KRTAP16-1: variants seen among roughly 807,000 people sequenced by gnomAD.
The protein encoded by KRTAP16-1 is keratin associated protein 16-1, also known as keratin-associated protein 16-1.
For missense variants in KRTAP16-1, 675 were observed against 657.7 expected, an observed-to-expected ratio of 1.03 and a Z score of -0.29; for synonymous variants, 262 against 248.0, an observed-to-expected ratio of 1.06 and a Z score of -0.53.
Position 41,309,099 on chromosome 17 carries a change from G to C in KRTAP16-1, c.155C>G (p.Ser52Cys). The C allele has an allele frequency of 6.4e-7, 1 of 1,550,660 alleles. No homozygotes were observed. Among genetic ancestry groups the C allele is most frequent in the Non-Finnish European group, 8.7e-7 (1 of 1,147,010 alleles). ...LVTCQDSCGS[S>C]SCGPQCRQPS... ...CTGACGGCACTGTGGCCCACAGCTG[G>C]ATGATCCACAGCTGTCTTGACAAGT... Residue 52 changes from serine (S) to cysteine (C), a missense_variant, in exon 1 of 1, where the codon TCC becomes TGC. Coordinates refer to ENST00000391352, the MANE Select transcript of KRTAP16-1 (RefSeq NM_001146182.2).
chr17:41,307,883 G>T lies in KRTAP16-1; in HGVS notation c.1371C>A (p.Asp457Glu), dbSNP rs1465524936. 5 of 1,550,616 alleles carry T rather than the reference G, an allele frequency of 3.2e-6. No individual in the cohort carries two copies. In the South Asian group the frequency reaches 3.6e-5, roughly 11 times the overall value. ...VYFRPSCTESDSCKRDCKKST... is the reference protein window; with the variant it reads ...VYFRPSCTESESCKRDCKKST... Reference sequence around the variant, plus strand: ...ATTTTTTGCAATCCCGTTTGCAAGAGTCAGACTCAGTGCAAGATGGGCGGA... The same window carrying T: ...ATTTTTTGCAATCCCGTTTGCAAGATTCAGACTCAGTGCAAGATGGGCGGA... The change falls in exon 1 of 1, where the codon GAC becomes GAA. Residue 457 changes from aspartate (D) to glutamate (E), a missense_variant. By Grantham distance (45) the Asp-to-Glu change is conservative (BLOSUM62 2). Coordinates refer to ENST00000391352, the MANE Select transcript of KRTAP16-1 (RefSeq NM_001146182.2).
chr17:41,308,442 G>A lies in KRTAP16-1; in HGVS notation c.812C>T (p.Ala271Val), dbSNP rs2016937166. ...GAGGCAAACTGGCTCACAGACCAGA[G>A]CCACACACGTAGCTGGCTGGCAGAT... ...SSICQPATCV[A>V]LVCEPVCLRP... Residue 271 changes from alanine to valine, a missense_variant, in exon 1 of 1, where the codon GCT becomes GTT. Physicochemically the swap from Ala to Val is moderately conservative, Grantham distance 64 (BLOSUM62 0). Coordinates refer to ENST00000391352, the MANE Select transcript of KRTAP16-1 (RefSeq NM_001146182.2). The A allele has an allele frequency of 1.3e-6, 2 of 1,550,716 alleles. No homozygotes were observed. Among genetic ancestry groups the A allele is most frequent in the African/African-American group, 1.4e-5 (1 of 73,160 alleles).
rs1200698155 is a variant in KRTAP16-1 at position 41,308,829 on chromosome 17, G to A, written c.425C>T (p.Ser142Phe). The change falls in exon 1 of 1, where the codon TCT (serine) becomes TTT (phenylalanine). Residue 142 changes from serine to phenylalanine, a missense_variant. Ser to Phe is a radical substitution (Grantham distance 155). Coordinates refer to ENST00000391352, the MANE Select transcript of KRTAP16-1 (RefSeq NM_001146182.2). Reference protein sequence around the residue: ...VCFEATVCEPSCSVSSCAQPV... With the variant: ...VCFEATVCEPFCSVSSCAQPV... ...TTGAGCACAGCTGCTCACGGAACAA[G>A]AAGGCTCACAAACGGTGGCCTCAAA... 2 of 1,545,280 alleles carry A rather than the reference G, an allele frequency of 1.3e-6. No individual in the cohort carries two copies. Among genetic ancestry groups the A allele is most frequent in the Non-Finnish European group, 1.7e-6 (2 of 1,143,338 alleles).
chr17:41,308,253 T>C lies in KRTAP16-1; in HGVS notation c.1001A>G (p.Tyr334Cys). 1.3e-6 allele frequency: 2 copies of C among 1,550,580 alleles called. No individual in the cohort carries two copies. The highest frequency in any genetic ancestry group is 1.7e-6 in the Non-Finnish European group (2 of 1,146,910). ...CVSSPCQPTC[Y>C]VVKRCPSVCP... is the part of the protein sequence containing the mutation. ...GACAGAAGGACAGCGCTTGACTACATAGCAAGTAGGTTGGCATGGACTGGA... is the reference window on the plus strand; with the variant it reads ...GACAGAAGGACAGCGCTTGACTACACAGCAAGTAGGTTGGCATGGACTGGA... The change falls in exon 1 of 1, where the codon TAT (tyrosine) becomes TGT (cysteine). Residue 334 changes from tyrosine to cysteine, a missense_variant. Transcript: ENST00000391352.
chr17:41,308,145 C>G lies in KRTAP16-1; in HGVS notation c.1109G>C (p.Arg370Pro). 1.3e-6 allele frequency: 2 copies of G among 1,550,510 alleles called. No individual in the cohort carries two copies. Among genetic ancestry groups the G allele is most frequent in the Non-Finnish European group, 1.7e-6 (2 of 1,146,984 alleles). Residue 370 changes from arginine to proline, a missense_variant, in exon 1 of 1, where the codon CGA becomes CCA. Coordinates refer to ENST00000391352, the MANE Select transcript of KRTAP16-1 (RefSeq NM_001146182.2). ...SPGSSASAICRPTCPRTFYIP... is the reference protein window; with the variant it reads ...SPGSSASAICPPTCPRTFYIP... ...GTAGAAAGTCCTAGGACAAGTTGGT[C>G]GGCAGATGGCAGATGCAGAAGACCC...
At position 41,308,264 on chromosome 17, in the gene KRTAP16-1, T is replaced by C. The variant is rs2016933063; in HGVS notation, c.990A>G (p.Gln330=). ...SPAVCVSSPC[Q]PTCYVVKRCP... is the part of the protein sequence containing the mutation. Reference sequence around the variant, plus strand: ...AGCGCTTGACTACATAGCAAGTAGGTTGGCATGGACTGGACACACAGACAG... The same window carrying C: ...AGCGCTTGACTACATAGCAAGTAGGCTGGCATGGACTGGACACACAGACAG... The change falls in exon 1 of 1, where the codon CAA becomes CAG. Residue 330 remains glutamine (Q), a synonymous_variant. Coordinates refer to ENST00000391352, the MANE Select transcript of KRTAP16-1 (RefSeq NM_001146182.2). 8 of 1,550,476 alleles carry C rather than the reference T, an allele frequency of 5.2e-6. No individual in the cohort carries two copies. The highest frequency in any genetic ancestry group is 7.0e-6 in the Non-Finnish European group (8 of 1,146,894).
rs1016819425 is a variant in KRTAP16-1, at chr17:41,308,515, C to G, written c.739G>C (p.Val247Leu). 1.9e-6 allele frequency: 3 copies of G among 1,550,424 alleles called. No homozygotes were observed. Among genetic ancestry groups the G allele is most frequent in the African/African-American group, 1.4e-5 (1 of 73,032 alleles). Residue 247 changes from valine (V) to leucine (L), a missense_variant, in exon 1 of 1, where the codon GTC (valine) becomes CTC (leucine). Transcript: ENST00000391352. ...TCACAAGGGCTGGGGTCACAGCAGACAGCCTGGCAGCTACTGGTCACAGAG... is the reference window on the plus strand; with the variant it reads ...TCACAAGGGCTGGGGTCACAGCAGAGAGCCTGGCAGCTACTGGTCACAGAG... Reference protein sequence around the residue: ...TCSVTSSCQAVCCDPSPCEPS... With the variant: ...TCSVTSSCQALCCDPSPCEPS...
rs1216759704 is a variant in KRTAP16-1 at position 41,309,161 on chromosome 17, C to A, written c.93G>T (p.Leu31=). 2 of 1,550,482 alleles carry A rather than the reference C, an allele frequency of 1.3e-6. No individual in the cohort carries two copies. Among genetic ancestry groups the A allele is most frequent in the Non-Finnish European group, 1.7e-6 (2 of 1,146,990 alleles). The part of the protein sequence containing the change: ...TEVSCGGPIC[L]PSSCQSQTWQ... Reference sequence around the variant, plus strand: ...ATGTCTGGCTCTGGCAGGAACTGGGCAGGCAGATGGGGCCTCCACAGCTCA... The same window carrying A: ...ATGTCTGGCTCTGGCAGGAACTGGGAAGGCAGATGGGGCCTCCACAGCTCA... The change falls in exon 1 of 1, where the codon CTG becomes CTT. Residue 31 remains leucine (L), a synonymous_variant. Coordinates refer to ENST00000391352, the MANE Select transcript of KRTAP16-1 (RefSeq NM_001146182.2).
rs924643785 is a variant in KRTAP16-1 at position 41,308,057 on chromosome 17, C to T, written c.1197G>A (p.Pro399=). Residue 399 remains proline (P), a synonymous_variant, in exon 1 of 1, where the codon CCG becomes CCA. Transcript: ENST00000391352. ...GTCCAGAGCAGATTGGGCGGCAGATCGGACGGGAGACCGGGCGGTAGGAAA... is the reference window on the plus strand; with the variant it reads ...GTCCAGAGCAGATTGGGCGGCAGATTGGACGGGAGACCGGGCGGTAGGAAA... ...ATISYRPVSR[P]ICRPICSGLL... The T allele has an allele frequency of 3.2e-6, 5 of 1,550,468 alleles. No individual in the cohort carries two copies. The highest frequency in any genetic ancestry group is 2.0e-5 in the Admixed American group (1 of 50,988).
chr17:41,308,241 C>T lies in KRTAP16-1; in HGVS notation c.1013G>A (p.Arg338His), dbSNP rs368686845. 48 of 1,550,474 alleles carry T rather than the reference C, an allele frequency of 3.1e-5. No homozygotes were observed. The highest frequency in any genetic ancestry group is 1.5e-4 in the African/African-American group (11 of 73,006). The change falls in exon 1 of 1, where the codon CGC becomes CAC. Residue 338 changes from arginine (R) to histidine (H), a missense_variant. Arg to His is a conservative substitution (Grantham distance 29). Coordinates refer to ENST00000391352, the MANE Select transcript of KRTAP16-1 (RefSeq NM_001146182.2). Reference protein sequence around the residue: ...PCQPTCYVVKRCPSVCPEPVS... With the variant: ...PCQPTCYVVKHCPSVCPEPVS... ...TGGCTCAGGGCAGACAGAAGGACAG[C>T]GCTTGACTACATAGCAAGTAGGTTG...
chr17:41,307,807 C>T lies in KRTAP16-1; in HGVS notation c.1447G>A (p.Val483Ile), dbSNP rs1451652602. The T allele has an allele frequency of 1.3e-6, 2 of 1,550,612 alleles. No homozygotes were observed. The highest frequency in any genetic ancestry group is 1.7e-6 in the Non-Finnish European group (2 of 1,147,028). Residue 483 changes from valine to isoleucine, a missense_variant, in exon 1 of 1, where the codon GTC (valine) becomes ATC (isoleucine). By Grantham distance (29) the Val-to-Ile change is conservative. Coordinates refer to ENST00000391352, the MANE Select transcript of KRTAP16-1 (RefSeq NM_001146182.2). ...GGCTGGCAGGGAGCCTCTTCTGAGA[C>T]ATCCACCTTGCAGGGGGTTGTGTCA... ...CVDTTPCKVD[V>I]SEEAPCQPTE...
chr17:41,309,180 C>T lies in KRTAP16-1; in HGVS notation c.74G>A (p.Cys25Tyr). Residue 25 changes from cysteine (C) to tyrosine (Y), a missense_variant, in exon 1 of 1, where the codon TGT becomes TAT. By Grantham distance (194) the Cys-to-Tyr change is radical. Transcript: ENST00000391352. Reference sequence around the variant, plus strand: ...ACTGGGCAGGCAGATGGGGCCTCCACAGCTCACCTCAGTGGAGCAGAGAGA... The same window carrying T: ...ACTGGGCAGGCAGATGGGGCCTCCATAGCTCACCTCAGTGGAGCAGAGAGA... Reference protein sequence around the residue: ...ATSLCSTEVSCGGPICLPSSC... With the variant: ...ATSLCSTEVSYGGPICLPSSC... 3.2e-6 allele frequency: 5 copies of T among 1,550,522 alleles called. No homozygotes were observed. Among genetic ancestry groups the T allele is most frequent in the Non-Finnish European group, 4.4e-6 (5 of 1,146,918 alleles).
At position 41,308,090 on chromosome 17, in the gene KRTAP16-1, A is replaced by G; in HGVS notation, c.1164T>C (p.Ser388=). 1.3e-6 allele frequency: 2 copies of G among 1,550,630 alleles called. No individual in the cohort carries two copies. The highest frequency in any genetic ancestry group is 1.7e-6 in the Non-Finnish European group (2 of 1,146,988). The change falls in exon 1 of 1, where the codon AGT becomes AGC. Residue 388 remains serine, a synonymous_variant. Coordinates refer to ENST00000391352, the MANE Select transcript of KRTAP16-1 (RefSeq NM_001146182.2). ...YIPSSSKRPC[S]ATISYRPVSR... ...AGACCGGGCGGTAGGAAATCGTAGCACTGCAAGGCCGTTTGCTGGAACTGG... is the reference window on the plus strand; with the variant it reads ...AGACCGGGCGGTAGGAAATCGTAGCGCTGCAAGGCCGTTTGCTGGAACTGG...
rs1277407049 is a variant in KRTAP16-1 at position 41,308,079 on chromosome 17, G to A, written c.1175C>T (p.Ser392Phe). ...GATCGGACGGGAGACCGGGCGGTAG[G>A]AAATCGTAGCACTGCAAGGCCGTTT... ...SSKRPCSATI[S>F]YRPVSRPICR... is the part of the protein sequence containing the mutation. Residue 392 changes from serine to phenylalanine, a missense_variant, in exon 1 of 1, where the codon TCC becomes TTC. Ser to Phe is a radical substitution (Grantham distance 155). Transcript: ENST00000391352. The A allele has an allele frequency of 6.4e-7, 1 of 1,550,516 alleles. No homozygotes were observed. Among genetic ancestry groups the A allele is most frequent in the Non-Finnish European group, 8.7e-7 (1 of 1,147,012 alleles).
Position 41,309,199 on chromosome 17 carries a change from A to G in KRTAP16-1, c.55T>C (p.Cys19Arg). 1 of 1,547,498 alleles carries G rather than the reference A, an allele frequency of 6.5e-7. No individual in the cohort carries two copies. The highest frequency in any genetic ancestry group is 1.2e-5 in the South Asian group (1 of 83,844). ...CCTCCACAGCTCACCTCAGTGGAGCAGAGAGAGGTGGCTGGCACGGAGAAG... is the reference window on the plus strand; with the variant it reads ...CCTCCACAGCTCACCTCAGTGGAGCGGAGAGAGGTGGCTGGCACGGAGAAG... ...KCFSVPATSL[C>R]STEVSCGGPI... Residue 19 changes from cysteine to arginine, a missense_variant, in exon 1 of 1, where the codon TGC (cysteine) becomes CGC (arginine). Cys to Arg is a radical substitution (Grantham distance 180, BLOSUM62 -3). Coordinates refer to ENST00000391352, the MANE Select transcript of KRTAP16-1 (RefSeq NM_001146182.2).
In KRTAP16-1 at chr17:41,309,254, G is replaced by T; in HGVS notation, c.-1C>A. Reference sequence around the variant, plus strand: ...TCCTAGAAGAGCAACTGCCAGACATGGTGGAGGTGGCCGTGCTTCCTTGTG... The same window carrying T: ...TCCTAGAAGAGCAACTGCCAGACATTGTGGAGGTGGCCGTGCTTCCTTGTG... On this transcript the variant is annotated 5_prime_UTR_variant, in exon 1 of 1. Coordinates refer to ENST00000391352, the MANE Select transcript of KRTAP16-1 (RefSeq NM_001146182.2). The T allele has an allele frequency of 6.6e-7, 1 of 1,516,612 alleles. No individual in the cohort carries two copies. The highest frequency in any genetic ancestry group is 8.9e-7 in the Non-Finnish European group (1 of 1,127,472). 93.9% of individuals were successfully genotyped at this position (1,516,612 alleles called of 1,614,324 possible). A position where few individuals can be genotyped will look rare whatever the true frequency, so the allele number is the denominator to read the frequency against.
In KRTAP16-1 at chr17:41,308,870, G is replaced by A. The variant is rs2016945569; in HGVS notation, c.384C>T (p.Cys128=). ...TGGCCTCAAAGCACACAGGTTGGCA[G>A]CAGTTGCTCACTGAGCAAGAAGGCT... ...ICEPSCSVSN[C]CQPVCFEATV... is the part of the protein sequence containing the mutation. The change falls in exon 1 of 1, where the codon TGC becomes TGT. Residue 128 remains cysteine, a synonymous_variant. Coordinates refer to ENST00000391352, the MANE Select transcript of KRTAP16-1 (RefSeq NM_001146182.2). The A allele has an allele frequency of 2.6e-6, 4 of 1,539,596 alleles. No individual in the cohort carries two copies. The highest frequency in any genetic ancestry group is 2.6e-6 in the Non-Finnish European group (3 of 1,138,890).
Position 41,308,954 on chromosome 17 carries a change from C to T in KRTAP16-1, c.300G>A (p.Glu100=). 6.4e-7 allele frequency: 1 copy of T among 1,550,436 alleles called. No individual in the cohort carries two copies. The highest frequency in any genetic ancestry group is 8.7e-7 in the Non-Finnish European group (1 of 1,146,950). The change falls in exon 1 of 1, where the codon GAG becomes GAA. Residue 100 remains glutamate (E), a synonymous_variant. Coordinates refer to ENST00000391352, the MANE Select transcript of KRTAP16-1 (RefSeq NM_001146182.2). The part of the protein sequence containing the change: ...QPVCCEATTC[E]PSCSVSNCYQ... ...AGCAGTTGCTCACAGAGCAAGAAGG[C>T]TCACAGGTGGTGGCCTCACAGCACA...
rs1567653430 is a variant in KRTAP16-1 at position 41,308,800 on chromosome 17, CA to C, written c.453del (p.Val152CysfsTer14). The C allele has an allele frequency of 6.5e-7, 1 of 1,549,588 alleles. No homozygotes were observed. Among genetic ancestry groups the C allele is most frequent in the Non-Finnish European group, 8.7e-7 (1 of 1,146,570 alleles). On this transcript the variant is annotated frameshift_variant, in exon 1 of 1. Coordinates refer to ENST00000391352, the MANE Select transcript of KRTAP16-1 (RefSeq NM_001146182.2). LOFTEE classifies it low-confidence loss of function (END_TRUNC). The part of the protein sequence containing the change: ...PSCSVSSCAQ[P>X]VCCEPAICEP... The stretch of plus-strand genomic sequence containing the variant: ...TCACAAATAGCAGGCTCACAGCACA[CA>C]GGTTGAGCACAGCTGCTCACGGAAC...
Sources: allele counts gnomAD v4.1 joint callset, GRCh38; gene constraint gnomAD v4.1.1; transcripts MANE v1.5; gene names NCBI Gene and HGNC (gene_info 2026-07-23, HGNC 2026-07-21).